The following NFIX variants were observed in gnomAD, a reference collection of about 807,000 sequenced individuals.
NFIX encodes the protein nuclear factor I X, also known as nuclear factor 1 X-type.
In NFIX, 2 loss-of-function variants were observed where a neutral mutation model predicts 53.3. The observed-to-expected ratio is 0.04, with a 90% CI of 0.02 to 0.12. The LOEUF is 0.12. NFIX is among the 10% of genes least tolerant of loss of function. The pLI is 1.00. For synonymous variants in NFIX, 244 were observed against 289.0 expected (o/e 0.84, Z 1.58); for missense variants, 310 against 674.5 (o/e 0.46, Z 5.99).
intron 7 of NFIX, among the ~76,000 whole-genome samples, chr19:13,080,170 GATAA>G (rs1362513017): frequency 2.0e-5 from 3 of 152,156 alleles, no homozygotes; most frequent in African/African-American, 7.2e-5. Context: ...CAGTCATCAA[GATAA>G]ATAATATTTT....
chr19:13,031,621 C>T (rs1413007009), intron 2 of NFIX, among the ~76,000 whole-genome samples: 3 of 152,104 alleles, frequency 2.0e-5, no homozygotes, highest in East Asian at 1.9e-4. Flanking sequence ...GGTAAAGGCC[C>T]GATGATATCT....
At chr19:13,083,370 C>T (rs1375746152) in intron 8 of NFIX, among the ~76,000 whole-genome samples, 1 of 152,154 alleles carries the variant, frequency 6.6e-6, no homozygotes, top group Non-Finnish European at 1.5e-5. Context: ...GAGTCAAATT[C>T]AGGCTGGCCT....
At chr19:13,061,024 CA>C (rs1487726289) in intron 2 of NFIX, among the ~76,000 whole-genome samples, 3 of 152,142 alleles carry the variant, frequency 2.0e-5, no homozygotes, top group Non-Finnish European at 4.4e-5. Flanking sequence ...TCTGCACTGC[CA>C]AAAGGTGAGG....
intron 2 of NFIX, among the ~76,000 whole-genome samples, chr19:13,054,271 C>T (rs891306627): frequency 4.6e-5 from 7 of 152,170 alleles, no homozygotes; most frequent in African/African-American, 7.2e-5. Context: ...TGGTGGGTTT[C>T]GCCGAGCCTC....
chr19:13,057,222 G>A (rs761356895), intron 2 of NFIX, among the ~76,000 whole-genome samples: 8 of 152,304 alleles, frequency 5.3e-5, no homozygotes, highest in East Asian at 1.9e-4. Flanking sequence ...TCCCCTCCTC[G>A]GGTGGAGCCT....
chr19:13,058,319 C>T (rs1341414608), intron 2 of NFIX, among the ~76,000 whole-genome samples: 7 of 152,064 alleles, frequency 4.6e-5, no homozygotes, highest in African/African-American at 1.2e-4. Flanking sequence ...ATCTGGACCT[C>T]GGTAGGCATG....
rs1193050109 is a variant in NFIX, at chr19:13,001,196, G to A, written c.27+5332G>A. On this transcript the variant is annotated intron_variant, in intron 1 of 10. Transcript: ENST00000592199. This position sits in a 1 kb window ranked among gnomAD's most constrained non-coding sequence, Gnocchi z 6.5. ...AGGACAGCTGTGAGCCACTATCTGG[G>A]TTCTCCCAGATCGGTGTGCATGTTA... 6.6e-6 allele frequency among the ~76,000 whole-genome samples: 1 copy of A among 152,222 alleles called. No homozygotes were observed. Among genetic ancestry groups the A allele is most frequent in the Non-Finnish European group, 1.5e-5 (1 of 68,046 alleles).
At chr19:13,087,923 G>A (rs1465047795) in intron 8 of NFIX, 66 bp from the exon 9 acceptor site, 3 of 1,526,390 alleles carry the variant, frequency 2.0e-6, no homozygotes, top group Non-Finnish European at 2.6e-6. Flanking sequence ...TGGCGCGGCC[G>A]CGCAGGGGAG....
In NFIX at chr19:13,001,428, G is replaced by C. The variant is rs566171919; in HGVS notation, c.27+5564G>C. On this transcript the variant is annotated intron_variant, in intron 1 of 10. Transcript: ENST00000592199. The surrounding 1 kb of genome is among the most constrained non-coding windows in gnomAD (Gnocchi z 6.5). ...GGGGAGCGTGCCACCATGCGTGTCA[G>C]TGTGCCGGATGTAGTCTCTGTGTCA... 1.3e-5 allele frequency among the ~76,000 whole-genome samples: 2 copies of C among 152,066 alleles called. No homozygotes were observed. Among genetic ancestry groups the C allele is most frequent in the Non-Finnish European group, 2.9e-5 (2 of 68,014 alleles).
Position 13,078,569 on chromosome 19 carries a change from C to T in NFIX, c.956-44C>T. ...CTTCCCGCCTTCCCCGCACCCACCC[C>T]AGCCCAGCTAAACCTGCCCTGTGTT... On this transcript the variant is annotated intron_variant, in intron 6 of 10. Coordinates refer to ENST00000592199, the MANE Select transcript of NFIX (RefSeq NM_001365902.3). The surrounding 1 kb of genome is among the most constrained non-coding windows in gnomAD (Gnocchi z 4.7). The T allele has an allele frequency of 6.4e-7, 1 of 1,568,950 alleles. No homozygotes were observed. The highest frequency in any genetic ancestry group is 8.7e-7 in the Non-Finnish European group (1 of 1,155,518).
intron 1 of NFIX, among the ~76,000 whole-genome samples, chr19:13,015,576 C>T (rs2012612554): frequency 6.6e-6 from 1 of 152,214 alleles, no homozygotes; most frequent in African/African-American, 2.4e-5. Context: ...GAGTCATTTT[C>T]CTTCATGACC....
In NFIX at chr19:13,049,595, CTTT is replaced by C. The variant is rs71168649; in HGVS notation, c.560-23438_560-23436del. 2.5e-4 allele frequency among the ~76,000 whole-genome samples: 31 copies of C among 122,758 alleles called. No individual in the cohort carries two copies. The highest frequency in any genetic ancestry group is 2.8e-4 in the Non-Finnish European group (16 of 56,566). 80.5% of individuals were successfully genotyped at this position (122,758 alleles called of 152,430 possible). On this transcript the variant is annotated intron_variant, in intron 2 of 10. Coordinates refer to ENST00000592199, the MANE Select transcript of NFIX (RefSeq NM_001365902.3). This position sits in a 1 kb window ranked among gnomAD's most constrained non-coding sequence, Gnocchi z 4.5. ...TTGTAGCAGCAAGTGTCAGTGGTTC[CTTT>C]TTTTTTTTTTTTTGAGACAGAGTCT...
rs1360129180 is a variant in NFIX, at chr19:13,093,609, C to T, written c.1495-1026C>T. On this transcript the variant is annotated intron_variant, in intron 10 of 10. Transcript: ENST00000592199. The surrounding 1 kb of genome is among the most constrained non-coding windows in gnomAD (Gnocchi z 4.7). ...GGCAGGTCACGTACCCCCTCTGTGC[C>T]TAGCTTCCTGGTGGGGTCAGGGCAG... Among the ~76,000 whole-genome samples, 1 of 152,252 alleles carries T rather than the reference C, an allele frequency of 6.6e-6. No homozygotes were observed. Among genetic ancestry groups the T allele is most frequent in the Non-Finnish European group, 1.5e-5 (1 of 68,038 alleles).
At position 13,045,716 on chromosome 19, in the gene NFIX, C is replaced by T. The variant is rs755191639; in HGVS notation, c.559+20164C>T. ...GACCCCATGGCGGGCATCAGGGGACCACAGGCTGTGGTTGCGCCTGTCCGT... is the reference window on the plus strand; with the variant it reads ...GACCCCATGGCGGGCATCAGGGGACTACAGGCTGTGGTTGCGCCTGTCCGT... On this transcript the variant is annotated intron_variant, in intron 2 of 10. Transcript: ENST00000592199. This position sits in a 1 kb window ranked among gnomAD's most constrained non-coding sequence, Gnocchi z 4.4. 5.3e-5 allele frequency among the ~76,000 whole-genome samples: 8 copies of T among 152,182 alleles called. No individual in the cohort carries two copies. Among genetic ancestry groups the T allele is most frequent in the Non-Finnish European group, 1.2e-4 (8 of 68,022 alleles).
rs2016416851 is a variant in NFIX at position 13,066,587 on chromosome 19, T to C, written c.560-6460T>C. Among the ~76,000 whole-genome samples the C allele has an allele frequency of 6.6e-6, 1 of 152,108 alleles. No individual in the cohort carries two copies. The highest frequency in any genetic ancestry group is 2.4e-5 in the African/African-American group (1 of 41,402). Reference sequence around the variant, plus strand: ...GGGAGAGGACGATAATGGGGTGACATGTTCCCCTGTCCTTATCCCTGCCCC... The same window carrying C: ...GGGAGAGGACGATAATGGGGTGACACGTTCCCCTGTCCTTATCCCTGCCCC... On this transcript the variant is annotated intron_variant, in intron 2 of 10. Coordinates refer to ENST00000592199, the MANE Select transcript of NFIX (RefSeq NM_001365902.3). The surrounding 1 kb of genome is among the most constrained non-coding windows in gnomAD (Gnocchi z 4.2).
chr19:13,080,827 T>C (rs946848268), intron 7 of NFIX, among the ~76,000 whole-genome samples: 25 of 151,382 alleles, frequency 1.7e-4, no homozygotes, highest in Middle Eastern at 3.5e-3. Flanking sequence ...GGTGAAACCC[T>C]GTCTCTACTA....
rs2017924443 is a variant in NFIX, at chr19:13,088,412, G to GA, written c.1402+276_1402+277insA. The stretch of plus-strand genomic sequence containing the variant: ...GGGCGGGAGGGAGAGCACAGCTGGG[G>GA]CGCGCAGGCCAGGGGTGCTGGCGGG... On this transcript the variant is annotated intron_variant, in intron 9 of 10. Transcript: ENST00000592199. This position sits in a 1 kb window ranked among gnomAD's most constrained non-coding sequence, Gnocchi z 5.9. Among the ~76,000 whole-genome samples, 1 of 152,020 alleles carries GA rather than the reference G, an allele frequency of 6.6e-6. No individual in the cohort carries two copies. Among genetic ancestry groups the GA allele is most frequent in the Non-Finnish European group, 1.5e-5 (1 of 67,990 alleles).
chr19:13,057,126 A>T (rs529595133), intron 2 of NFIX, among the ~76,000 whole-genome samples: 1 of 152,358 alleles, frequency 6.6e-6, no homozygotes, highest in East Asian at 1.9e-4. Context: ...TGTCACCCTT[A>T]GGTGAACCTG....
rs572266909 is a variant in NFIX, at chr19:12,998,922, G to A, written c.27+3058G>A. On this transcript the variant is annotated intron_variant, in intron 1 of 10. Transcript: ENST00000592199. This position sits in a 1 kb window ranked among gnomAD's most constrained non-coding sequence, Gnocchi z 4.4. ...ACTTGTGTTCACAACCACCCCCAGC[G>A]CACACATAAACACTCACAAACCCCT... Among the ~76,000 whole-genome samples the A allele has an allele frequency of 2.0e-5, 3 of 152,122 alleles. No homozygotes were observed. Among genetic ancestry groups the A allele is most frequent in the African/African-American group, 4.8e-5 (2 of 41,490 alleles).
Sources: gnomAD v4.1 joint callset for allele counts (sites outside exome capture counted in the v4.1 genomes callset) on GRCh38, gnomAD v4.1.1 for gene constraint, Gnocchi (gnomAD v3.1) non-coding constraint, MANE v1.5 for transcripts, NCBI Gene and HGNC (gene_info 2026-07-23, HGNC 2026-07-21) for gene names.